ZFAT: variants seen among roughly 807,000 people sequenced by gnomAD.
ZFAT encodes the protein zinc finger and AT-hook domain containing.
In ZFAT, 64 loss-of-function variants were observed where a neutral mutation model predicts 117.7. The ratio of observed to expected loss-of-function variants is 0.54; its 90% CI spans 0.44 to 0.67. The LOEUF (loss-of-function observed/expected upper bound fraction) is 0.67, where lower values mean the gene tolerates loss of function less well. Among genes scored for constraint, ZFAT ranks in the 30% least tolerant of loss-of-function variants. ZFAT has a pLI of 0.00. For missense variants in ZFAT, 1,433 were observed against 1,584.5 expected (o/e 0.90, Z 1.62); for synonymous variants, 679 against 615.0 (o/e 1.10, Z -1.54).
the ZFAT span, among the ~76,000 whole-genome samples, chr8:134,822,407 G>T: frequency 6.6e-6 from 1 of 151,962 alleles, no homozygotes; most frequent in African/African-American, 2.4e-5. Context: ...GGACACCCTA[G>T]TAGGTCATAA....
chr8:134,612,398 C>T (rs1324329646), intron 3 of ZFAT, among the ~76,000 whole-genome samples: 2 of 152,130 alleles, frequency 1.3e-5, no homozygotes, highest in Non-Finnish European at 2.9e-5. Flanking sequence ...TCAACTCTGC[C>T]TAAAGCCAGT....
chr8:134,722,411 G>C, the ZFAT span, among the ~76,000 whole-genome samples: 1 of 152,228 alleles, frequency 6.6e-6, no homozygotes, highest in South Asian at 2.1e-4. Context: ...GCTGTTTTGA[G>C]TTGTTCCCGG....
chr8:134,674,615 C>A (rs1028616753), intron 1 of ZFAT: 3 of 154,526 alleles, frequency 1.9e-5, no homozygotes, highest in African/African-American at 7.2e-5. Context: ...GCGGTTCTCC[C>A]AGAATGGCGT....
intron 13 of ZFAT, among the ~76,000 whole-genome samples, chr8:134,520,492 G>C (rs1586633155): frequency 1.3e-5 from 2 of 152,048 alleles, no homozygotes; most frequent in African/African-American, 4.8e-5. Context: ...CACAGAAAGA[G>C]AGCAGGGCCT....
chr8:134,770,450 T>C, the ZFAT span, among the ~76,000 whole-genome samples: 3 of 152,232 alleles, frequency 2.0e-5, no homozygotes, highest in Admixed American at 6.5e-5. Flanking sequence ...TATCACTTCC[T>C]TAATCAATAC....
chr8:134,799,325 G>A, the ZFAT span, among the ~76,000 whole-genome samples: 1 of 152,044 alleles, frequency 6.6e-6, no homozygotes, highest in African/African-American at 2.4e-5. Flanking sequence ...TAGGATGTGT[G>A]TACTTCTTAC....
chr8:134,616,812 A>G (rs1343189059), intron 3 of ZFAT, among the ~76,000 whole-genome samples: 1 of 152,198 alleles, frequency 6.6e-6, no homozygotes, highest in Non-Finnish European at 1.5e-5. Context: ...CTCCGGAGTC[A>G]GAGAGGCTGG....
the ZFAT span, among the ~76,000 whole-genome samples, chr8:134,815,483 G>C: frequency 1.6e-3 from 243 of 152,252 alleles, 2 homozygotes; most frequent in African/African-American, 5.7e-3. Context: ...AAAGTCCACA[G>C]CAACATTTCC....
chr8:134,564,110 G>A (rs1331825269), intron 11 of ZFAT, among the ~76,000 whole-genome samples: 2 of 150,352 alleles, frequency 1.3e-5, no homozygotes, highest in Non-Finnish European at 2.9e-5. Context: ...AGCCAAGATC[G>A]TGCCACTGCA....
At chr8:134,655,088 A>G (rs1831512192) in intron 2 of ZFAT, among the ~76,000 whole-genome samples, 1 of 152,282 alleles carries the variant, frequency 6.6e-6, no homozygotes, top group Middle Eastern at 3.4e-3. Flanking sequence ...CTTTGCATTC[A>G]GTTGCTCCTC....
At chr8:134,544,926 T>C (rs934997547) in intron 11 of ZFAT, among the ~76,000 whole-genome samples, 8 of 152,108 alleles carry the variant, frequency 5.3e-5, no homozygotes, top group Admixed American at 2.0e-4. Flanking sequence ...GTGCATCCCA[T>C]AGCCTGCAAG....
intron 1 of ZFAT, among the ~76,000 whole-genome samples, chr8:134,695,294 G>A (rs990513473): frequency 6.7e-6 from 1 of 150,220 alleles, no homozygotes; most frequent in African/African-American, 2.5e-5. Flanking sequence ...CCATGCTCTT[G>A]AGCAAATCCC....
At chr8:134,648,421 C>G (rs1831023622) in intron 2 of ZFAT, among the ~76,000 whole-genome samples, 1 of 151,844 alleles carries the variant, frequency 6.6e-6, no homozygotes, top group Non-Finnish European at 1.5e-5. Flanking sequence ...TTCAGCTAAA[C>G]TTACCAAGAA....
At chr8:134,566,905 T>C (rs368945338) in intron 10 of ZFAT, among the ~76,000 whole-genome samples, 1 of 152,196 alleles carries the variant, frequency 6.6e-6, no homozygotes, top group African/African-American at 2.4e-5. Context: ...TCTCTATTCA[T>C]TCTGAGTACC....
chr8:134,495,444 A>G (rs187321822), intron 15 of ZFAT, among the ~76,000 whole-genome samples: 93 of 152,316 alleles, frequency 6.1e-4, no homozygotes, highest in Non-Finnish European at 9.1e-4. Flanking sequence ...GATTTCAATC[A>G]TATGAATTAA....
intron 5 of ZFAT, among the ~76,000 whole-genome samples, chr8:134,607,360 CAT>C (rs1427282030): frequency 6.6e-6 from 1 of 152,220 alleles, no homozygotes; most frequent in African/African-American, 2.4e-5. Context: ...AAGCATACCA[CAT>C]GATATAATAA....
chr8:134,703,445 T>C (rs1353534571), intron 1 of ZFAT, among the ~76,000 whole-genome samples: 1 of 152,248 alleles, frequency 6.6e-6, no homozygotes, highest in African/African-American at 2.4e-5. Flanking sequence ...ATGTGAGTAG[T>C]GCTGTGTGGC....
chr8:134,639,741 A>C, intron 2 of ZFAT: 1 of 456,312 alleles, frequency 2.2e-6, no homozygotes, highest in South Asian at 1.5e-5. Flanking sequence ...ATATCAGAGA[A>C]GCAGAATTAG....
intron 2 of ZFAT, among the ~76,000 whole-genome samples, chr8:134,643,229 T>G (rs1013608990): frequency 6.6e-6 from 1 of 152,250 alleles, no homozygotes; most frequent in African/African-American, 2.4e-5. Context: ...AATTAATAAA[T>G]GGCAGAATCA....
Sources: allele counts gnomAD v4.1 joint callset (sites outside exome capture counted in the v4.1 genomes callset), GRCh38; gene constraint gnomAD v4.1.1; transcripts MANE v1.5; gene names NCBI Gene and HGNC (gene_info 2026-07-23, HGNC 2026-07-21).